The following SLC7A1 variants were observed in gnomAD, a reference collection of about 807,000 sequenced individuals.
The protein encoded by SLC7A1 is solute carrier family 7 member 1, also known as high affinity cationic amino acid transporter 1.
A neutral mutation model predicts 53.9 loss-of-function variants in SLC7A1; 10 were observed. The ratio of observed to expected loss-of-function variants is 0.19; its 90% confidence interval spans 0.11 to 0.31. The LOEUF is 0.31. SLC7A1 is among the 10% of genes least tolerant of loss of function. SLC7A1 has a pLI of 1.00. For missense variants in SLC7A1, 525 were observed against 827.2 expected, an observed-to-expected ratio of 0.63 and a Z score of 4.48; for synonymous variants, 342 against 338.7, an observed-to-expected ratio of 1.01 and a Z score of -0.11.
intron 5 of SLC7A1, among the ~76,000 whole-genome samples, chr13:29,528,483 T>G (rs1221237151): frequency 6.6e-6 from 1 of 152,138 alleles, no homozygotes; most frequent in African/African-American, 2.4e-5. Flanking sequence ...CAAACCCATG[T>G]GGTCTCACGG....
intron 1 of SLC7A1, among the ~76,000 whole-genome samples, chr13:29,580,970 G>A (rs532524195): frequency 4.6e-4 from 70 of 152,216 alleles, no homozygotes; most frequent in East Asian, 1.2e-3. Context: ...AGAGCCTCCC[G>A]GAGAAGAGCC....
chr13:29,514,305 G>A lies in SLC7A1; in HGVS notation c.*175C>T, dbSNP rs1021061009. ...GGAGGTGACCAGGGCCCGGAGAACCGGCTGCAGAGCCGAGGGTGGGCTGGG... is the reference window on the plus strand; with the variant it reads ...GGAGGTGACCAGGGCCCGGAGAACCAGCTGCAGAGCCGAGGGTGGGCTGGG... On this transcript the variant is annotated 3_prime_UTR_variant, in exon 13 of 13. Transcript: ENST00000380752. 8.4e-6 allele frequency: 5 copies of A among 596,740 alleles called. No homozygotes were observed. Among genetic ancestry groups the A allele is most frequent in the South Asian group, 5.9e-5 (3 of 50,560 alleles). The allele number at this position is 596,740 out of a possible 1,614,324, so 37.0% of individuals were successfully genotyped here.
intron 1 of SLC7A1, among the ~76,000 whole-genome samples, chr13:29,563,142 C>G (rs1870831316): frequency 6.6e-6 from 1 of 152,166 alleles, no homozygotes; most frequent in African/African-American, 2.4e-5. Flanking sequence ...CTGGGGGTGA[C>G]TCTGTCCCTG....
At position 29,514,304 on chromosome 13, in the gene SLC7A1, C is replaced by A. The variant is rs142396312; in HGVS notation, c.*176G>T. The A allele has an allele frequency of 8.5e-5, 51 of 597,846 alleles. 1 individual carries two copies. In the East Asian group the frequency reaches 1.4e-3, roughly 16 times the overall value. The allele number at this position is 597,846 out of a possible 1,614,324, so 37.0% of individuals were successfully genotyped here. On this transcript the variant is annotated 3_prime_UTR_variant, in exon 13 of 13. Coordinates refer to ENST00000380752, the MANE Select transcript of SLC7A1 (RefSeq NM_003045.5). Reference sequence around the variant, plus strand: ...TGGAGGTGACCAGGGCCCGGAGAACCGGCTGCAGAGCCGAGGGTGGGCTGG... The same window carrying A: ...TGGAGGTGACCAGGGCCCGGAGAACAGGCTGCAGAGCCGAGGGTGGGCTGG...
Position 29,514,433 on chromosome 13 carries a change from G to A in SLC7A1, c.*47C>T. ...GGTGGGGTGCCTCCCGGTCCTCTGG[G>A]GGCGTCCCTCGGGGCTGCTGCCACC... On this transcript the variant is annotated 3_prime_UTR_variant, in exon 13 of 13. Transcript: ENST00000380752. 1 of 1,439,884 alleles carries A rather than the reference G, an allele frequency of 6.9e-7. No homozygotes were observed. The highest frequency in any genetic ancestry group is 9.7e-7 in the Non-Finnish European group (1 of 1,036,214). The allele number at this position is 1,439,884 out of a possible 1,614,324, so 89.2% of individuals were successfully genotyped here. A position where few individuals can be genotyped will look rare whatever the true frequency, so the allele number is the denominator to read the frequency against.
chr13:29,533,538 C>T (rs1869270650), intron 3 of SLC7A1, among the ~76,000 whole-genome samples: 1 of 152,198 alleles, frequency 6.6e-6, no homozygotes, highest in Non-Finnish European at 1.5e-5. Flanking sequence ...TGAACTCCAT[C>T]TCAGGGACAA....
chr13:29,521,999 G>A (rs1868650575), intron 8 of SLC7A1, among the ~76,000 whole-genome samples: 1 of 152,198 alleles, frequency 6.6e-6, no homozygotes, highest in Non-Finnish European at 1.5e-5. Context: ...GTGTCAGCCT[G>A]CCCTTGACTA....
At position 29,551,102 on chromosome 13, in the gene SLC7A1, T is replaced by G. The variant is rs535307485; in HGVS notation, c.-15+2659A>C. On this transcript the variant is annotated intron_variant, in intron 2 of 12. Coordinates refer to ENST00000380752, the MANE Select transcript of SLC7A1 (RefSeq NM_003045.5). ...CATTTTTTTAAAAATTGGGTGATCT[T>G]CCTTGGGCCATGGTCGTAGGAAGTT... is the stretch of plus-strand genomic sequence containing the variant. Among the ~76,000 whole-genome samples, 54 of 152,304 alleles carry G rather than the reference T, an allele frequency of 3.5e-4. 1 individual carries two copies. The highest frequency in any genetic ancestry group is 2.1e-3 in the South Asian group (10 of 4,822).
At chr13:29,524,433 C>T (rs1033997304) in intron 5 of SLC7A1, among the ~76,000 whole-genome samples, 180 bp from the exon 6 acceptor site, 4 of 152,228 alleles carry the variant, frequency 2.6e-5, no homozygotes, top group Non-Finnish European at 4.4e-5. Flanking sequence ...GTGTGCAGGC[C>T]TCCCTGCTGT....
intron 2 of SLC7A1, among the ~76,000 whole-genome samples, chr13:29,553,491 G>A (rs990000047): frequency 6.6e-6 from 1 of 152,216 alleles, no homozygotes; most frequent in African/African-American, 2.4e-5. Context: ...GATATGAAGA[G>A]TTCTGTCTGA....
chr13:29,585,019 T>C (rs1365646408), intron 1 of SLC7A1, among the ~76,000 whole-genome samples: 1 of 152,220 alleles, frequency 6.6e-6, no homozygotes, highest in Non-Finnish European at 1.5e-5. Context: ...AAAACTCACA[T>C]ACAGCCTGAC....
chr13:29,541,334 A>G (rs1200678617), intron 2 of SLC7A1, among the ~76,000 whole-genome samples: 2 of 152,218 alleles, frequency 1.3e-5, no homozygotes, highest in Non-Finnish European at 2.9e-5. Flanking sequence ...GGAGCAATGG[A>G]GGTCCCTTAA....
Position 29,532,808 on chromosome 13 carries a change from T to C in SLC7A1, c.529+16A>G, listed in dbSNP as rs544624850. ...CCATCACTCTGACCCGATCTCTTTTTAAGTGTGGGCTTTACCTGTCAAGAT... is the reference window on the plus strand; with the variant it reads ...CCATCACTCTGACCCGATCTCTTTTCAAGTGTGGGCTTTACCTGTCAAGAT... On this transcript the variant is annotated intron_variant, in intron 4 of 12. Coordinates refer to ENST00000380752, the MANE Select transcript of SLC7A1 (RefSeq NM_003045.5). The C allele has an allele frequency of 2.5e-6, 4 of 1,605,538 alleles. No individual in the cohort carries two copies. The highest frequency in any genetic ancestry group is 2.7e-5 in the African/African-American group (2 of 74,882).
chr13:29,593,798 T>G (rs141583334), intron 1 of SLC7A1, among the ~76,000 whole-genome samples: 1 of 152,110 alleles, frequency 6.6e-6, no homozygotes, highest in Non-Finnish European at 1.5e-5. Context: ...TAATCATATG[T>G]ACAGGAGCAC....
At chr13:29,527,134 A>G (rs1189163668) in intron 5 of SLC7A1, among the ~76,000 whole-genome samples, 2 of 152,176 alleles carry the variant, frequency 1.3e-5, no homozygotes, top group African/African-American at 4.8e-5. Flanking sequence ...GTGCAGAACA[A>G]TATATACGGA....
intron 1 of SLC7A1, among the ~76,000 whole-genome samples, chr13:29,574,021 C>A (rs377358445): frequency 6.6e-6 from 1 of 152,136 alleles, no homozygotes; most frequent in African/African-American, 2.4e-5. Flanking sequence ...TTCAACAGAC[C>A]CAGAAAATTA....
At chr13:29,529,922 A>G (rs145449946) in intron 5 of SLC7A1, among the ~76,000 whole-genome samples, 1,736 of 152,284 alleles carry the variant, frequency 0.011, 25 homozygotes, top group African/African-American at 0.039. Context: ...CTGAGATGGC[A>G]CAGGGTGGAG....
chr13:29,525,922 G>A (rs1331463918), intron 5 of SLC7A1, among the ~76,000 whole-genome samples: 1 of 152,148 alleles, frequency 6.6e-6, no homozygotes, highest in African/African-American at 2.4e-5. Flanking sequence ...AAATCCCCTC[G>A]CCTCTCAGGC....
Position 29,531,358 on chromosome 13 carries a change from G to A in SLC7A1, c.530-646C>T, listed in dbSNP as rs185093676. On this transcript the variant is annotated intron_variant, in intron 4 of 12. Coordinates refer to ENST00000380752, the MANE Select transcript of SLC7A1 (RefSeq NM_003045.5). The stretch of plus-strand genomic sequence containing the variant: ...AACTATAAGTAATAAAGATGCCCAG[G>A]AACCTCTGACAGCACTGCCTTTGAG... Among the ~76,000 whole-genome samples, 311 of 152,126 alleles carry A rather than the reference G, an allele frequency of 2.0e-3. 2 individuals carry two copies. Among genetic ancestry groups the A allele is most frequent in the African/African-American group, 7.4e-3 (306 of 41,490 alleles).
Sources: allele counts gnomAD v4.1 joint callset (sites outside exome capture counted in the v4.1 genomes callset), GRCh38; gene constraint gnomAD v4.1.1; transcripts MANE v1.5; gene names NCBI Gene and HGNC (gene_info 2026-07-23, HGNC 2026-07-21).